SPACA6: variants seen among roughly 807,000 people sequenced by gnomAD.
SPACA6 encodes the protein sperm acrosome associated 6.
For synonymous variants in SPACA6, 6 were observed against 1.5 expected (o/e 4.05, Z -2.21); for missense variants, 8 against 2.8 (o/e 2.88, Z -1.34).
At chr19:51,697,798 A>C (rs1455442978) in intron 2 of SPACA6, among the ~76,000 whole-genome samples, 1 of 152,116 alleles carries the variant, frequency 6.6e-6, no homozygotes, top group Non-Finnish European at 1.5e-5. Flanking sequence ...TTAGGTGTGG[A>C]GATTATGTAT....
intron 1 of SPACA6, 125 bp from the exon 2 acceptor site, chr19:51,694,351 CAA>C (rs2083407434): frequency 5.9e-6 from 2 of 340,926 alleles, no homozygotes; most frequent in Admixed American, 5.2e-5. Flanking sequence ...GACTGTGGGG[CAA>C]AGAGTCAGAG....
At chr19:51,687,585 C>G (rs1285888579), upstream of SPACA6, 1 of 151,410 alleles carries the variant, frequency 6.6e-6, no homozygotes, top group Non-Finnish European at 1.5e-5. Context: ...GTATAAAATT[C>G]CTCTGGAAAG....
At chr19:51,711,259 A>G (rs1270936974) in intron 2 of SPACA6, among the ~76,000 whole-genome samples, 1 of 152,184 alleles carries the variant, frequency 6.6e-6, no homozygotes, top group South Asian at 2.1e-4. Context: ...AAGCATGACC[A>G]TCTGATTGGC....
chr19:51,687,374 A>G (rs1346428563), upstream of SPACA6: 1 of 151,980 alleles, frequency 6.6e-6, no homozygotes, highest in African/African-American at 2.4e-5. Context: ...CAATCTCCCA[A>G]TTAACTGAAT....
intron 2 of SPACA6, among the ~76,000 whole-genome samples, chr19:51,695,722 T>G (rs925990640): frequency 2.0e-5 from 3 of 152,128 alleles, no homozygotes; most frequent in African/African-American, 7.2e-5. Context: ...AACCTTTGGA[T>G]CTGGGAATGG....
chr19:51,704,747 TC>T, intron 8 of SPACA6: 1 of 279,932 alleles, frequency 3.6e-6, no homozygotes, highest in Non-Finnish European at 6.0e-6. Flanking sequence ...CCCTCCTCCC[TC>T]AGACCCAGGA....
chr19:51,693,137 C>T (rs888084867), upstream of SPACA6: 1 of 418,432 alleles, frequency 2.4e-6, no homozygotes, highest in African/African-American at 2.0e-5. Flanking sequence ...CGATATCTCT[C>T]TGTGTCTCTA....
At chr19:51,692,844 G>A (rs752517215), upstream of SPACA6, 5 of 534,372 alleles carry the variant, frequency 9.4e-6, no homozygotes, top group South Asian at 2.8e-5. This position sits in a 1 kb window ranked among gnomAD's most constrained non-coding sequence, Gnocchi z 5.6. Context: ...ATCACTATAC[G>A]GCCTCCTAGC....
In SPACA6 at chr19:51,693,397, T is replaced by G; in HGVS notation, c.-130T>G. On this transcript the variant is annotated 5_prime_UTR_variant, in exon 1 of 9. Transcript: ENST00000637797. Reference sequence around the variant, plus strand: ...TTCTGACCCCTGACTCCTCATACCCTTCCTCCAGAGCATGACATTTGACCA... The same window carrying G: ...TTCTGACCCCTGACTCCTCATACCCGTCCTCCAGAGCATGACATTTGACCA... 1 of 675,398 alleles carries G rather than the reference T, an allele frequency of 1.5e-6. No homozygotes were observed. The allele number at this position is 675,398 out of a possible 1,614,324, so 41.8% of individuals were successfully genotyped here.
chr19:51,691,087 T>C (rs1207227420), upstream of SPACA6, among the ~76,000 whole-genome samples: 1 of 39,356 alleles, frequency 2.5e-5, no homozygotes, highest in Non-Finnish European at 3.9e-5. Context: ...CCGCCTCTCC[T>C]CCCCCTCCTC....
downstream of SPACA6, among the ~76,000 whole-genome samples, chr19:51,706,572 C>T (rs1274216288): frequency 2.0e-5 from 3 of 152,172 alleles, no homozygotes. Context: ...GCACAGATCC[C>T]AGATCAAATG....
upstream of SPACA6, chr19:51,693,194 T>A: frequency 1.8e-6 from 1 of 553,270 alleles, no homozygotes; most frequent in Non-Finnish European, 3.5e-6. Flanking sequence ...AGAATGTCTC[T>A]GTGCCTATCT....
rs1732467006 is a variant in SPACA6 at position 51,703,199 on chromosome 19, C to G, written c.464-29C>G. Reference sequence around the variant, plus strand: ...TGGCGAGGCCAGACGTGGTCGGGGCCCAGCGAGTGAACCCTGCTCCGTCTT... The same window carrying G: ...TGGCGAGGCCAGACGTGGTCGGGGCGCAGCGAGTGAACCCTGCTCCGTCTT... On this transcript the variant is annotated intron_variant, in intron 5 of 8. Coordinates refer to ENST00000637797, the MANE Select transcript of SPACA6 (RefSeq NM_001316972.2). This position sits in a 1 kb window ranked among gnomAD's most constrained non-coding sequence, Gnocchi z 4.2. The G allele has an allele frequency of 3.8e-5, 15 of 399,248 alleles. No individual in the cohort carries two copies. Among genetic ancestry groups the G allele is most frequent in the Non-Finnish European group, 6.6e-5 (15 of 226,144 alleles). The allele number at this position is 399,248 out of a possible 1,614,324, so 24.7% of individuals were successfully genotyped here.
downstream of SPACA6, among the ~76,000 whole-genome samples, chr19:51,706,696 G>A (rs187052360): frequency 1.2e-4 from 18 of 149,766 alleles, no homozygotes; most frequent in African/African-American, 3.5e-4. Flanking sequence ...TTTCGCTCTT[G>A]TTGCCCAGGC....
chr19:51,688,785 A>G (rs1302038539), upstream of SPACA6, among the ~76,000 whole-genome samples: 1 of 151,988 alleles, frequency 6.6e-6, no homozygotes, highest in Non-Finnish European at 1.5e-5. Context: ...GGAGATAGGG[A>G]GAGGGCGAAA....
At position 51,694,494 on chromosome 19, in the gene SPACA6, C is replaced by A; in HGVS notation, c.231C>A (p.Ser77Arg). 1 of 399,774 alleles carries A rather than the reference C, an allele frequency of 2.5e-6. No homozygotes were observed. The highest frequency in any genetic ancestry group is 4.4e-6 in the Non-Finnish European group (1 of 226,590). The allele number at this position is 399,774 out of a possible 1,614,324, so 24.8% of individuals were successfully genotyped here. A position where few individuals can be genotyped will look rare whatever the true frequency, so the allele number is the denominator to read the frequency against. ...SDTEINYDERSHLHDTFTQMT... is the reference protein window; with the variant it reads ...SDTEINYDERRHLHDTFTQMT... ...CACCGCCAGACTATGATGAGAGAAG[C>A]CACCTGCATGACACCTTCACCCAGA... The change falls in exon 2 of 9, where the codon AGC (serine) becomes AGA (arginine). Residue 77 changes from serine to arginine, a missense_variant. Ser to Arg is a moderately radical substitution (Grantham distance 110). Transcript: ENST00000637797.
chr19:51,702,934 C>T, intron 4 of SPACA6, 87 bp from the exon 5 acceptor site: 1 of 399,142 alleles, frequency 2.5e-6, no homozygotes, highest in Non-Finnish European at 4.4e-6. Context: ...CGATGGACCC[C>T]GGGAAGCTGC....
chr19:51,690,713 G>C (rs1012478057), upstream of SPACA6, among the ~76,000 whole-genome samples: 1 of 152,178 alleles, frequency 6.6e-6, no homozygotes, highest in Non-Finnish European at 1.5e-5. Flanking sequence ...CAGTGACCTT[G>C]AACAAGTCCT....
intron 2 of SPACA6, among the ~76,000 whole-genome samples, chr19:51,710,864 G>A (rs1390811752): frequency 6.6e-6 from 1 of 152,196 alleles, no homozygotes; most frequent in Non-Finnish European, 1.5e-5. Context: ...TGGATCACTT[G>A]AGGTCACGAG....
Sources: allele counts gnomAD v4.1 joint callset (sites outside exome capture counted in the v4.1 genomes callset), GRCh38; gene constraint gnomAD v4.1.1; non-coding constraint Gnocchi (gnomAD v3.1); transcripts MANE v1.5; gene names NCBI Gene and HGNC (gene_info 2026-07-23, HGNC 2026-07-21).